The following SLC4A4 variants were observed in gnomAD, a reference collection of about 807,000 sequenced individuals.
SLC4A4 encodes electrogenic sodium bicarbonate cotransporter 1.
In SLC4A4, 27 loss-of-function variants were observed where a neutral mutation model predicts 111.5. The ratio of observed to expected loss-of-function variants is 0.24; its 90% CI spans 0.18 to 0.33. The LOEUF (loss-of-function observed/expected upper bound fraction) is 0.33. Ranked by LOEUF, SLC4A4 falls within the 10% of genes least tolerant of loss-of-function variation. SLC4A4 has a pLI of 1.00. For synonymous variants in SLC4A4, 443 were observed against 463.4 expected (o/e 0.96, Z 0.57); for missense variants, 909 against 1,315.5 (o/e 0.69, Z 4.78).
rs1395863319 is a variant in SLC4A4 at position 71,453,592 on chromosome 4, C to G, written c.1420C>G (p.Leu474Val). 3 of 1,613,950 alleles carry G rather than the reference C, an allele frequency of 1.9e-6. No homozygotes were observed. The highest frequency in any genetic ancestry group is 2.5e-6 in the Non-Finnish European group (3 of 1,179,880). ...AAATATTCAAGCTCTTTCGGCAATT[C>G]TCTTCATTTATCTGGCAACTGTAAC... ...ALNIQALSAILFIYLATVTNA... is the reference protein window; with the variant it reads ...ALNIQALSAIVFIYLATVTNA... The change falls in exon 12 of 26, where the codon CTC (leucine) becomes GTC (valine). Residue 474 changes from leucine to valine, a missense_variant. Physicochemically the swap from Leu to Val is conservative, Grantham distance 32. Transcript: ENST00000264485.
intron 1 of SLC4A4, among the ~76,000 whole-genome samples, chr4:71,200,912 G>T (rs1746220918): frequency 6.6e-6 from 1 of 152,180 alleles, no homozygotes; most frequent in Non-Finnish European, 1.5e-5. Context: ...GCAAGTTTCA[G>T]TTATTTTTAT....
intron 1 of SLC4A4, among the ~76,000 whole-genome samples, chr4:71,234,570 C>G (rs550425247): frequency 6.6e-6 from 1 of 152,132 alleles, no homozygotes; most frequent in African/African-American, 2.4e-5. Flanking sequence ...GGATTACAGG[C>G]GTGTGCCACC....
chr4:71,560,309 A>AT, intron 23 of SLC4A4, 55 bp downstream of exon 23: 1 of 1,545,712 alleles, frequency 6.5e-7, no homozygotes. Context: ...AAATGTGAAA[A>AT]TTGTCCCTTT....
chr4:71,160,094 T>C (rs186508879), intron 2 of SLC4A4, among the ~76,000 whole-genome samples: 10 of 149,552 alleles, frequency 6.7e-5, no homozygotes, highest in Admixed American at 5.3e-4. Flanking sequence ...CCTGATGAAG[T>C]AGAGGCTATT....
At chr4:71,516,852 G>A (rs998971303) in intron 16 of SLC4A4, among the ~76,000 whole-genome samples, 2 of 152,084 alleles carry the variant, frequency 1.3e-5, no homozygotes, top group Non-Finnish European at 2.9e-5. Flanking sequence ...CTTCTTTCTG[G>A]AAAGAGTAGG....
chr4:71,380,258 G>C (rs1351476900), intron 6 of SLC4A4, among the ~76,000 whole-genome samples: 1 of 152,146 alleles, frequency 6.6e-6, no homozygotes, highest in Non-Finnish European at 1.5e-5. Context: ...GGGCAACTAT[G>C]ACTACTCCAG....
chr4:71,128,348 G>A (rs1052808518), intron 2 of SLC4A4, among the ~76,000 whole-genome samples: 2 of 152,042 alleles, frequency 1.3e-5, no homozygotes, highest in Non-Finnish European at 2.9e-5. Context: ...GGAAAGACCC[G>A]CCCCCATGAT....
chr4:71,526,541 G>A (rs1165691523), intron 16 of SLC4A4, among the ~76,000 whole-genome samples: 1 of 152,006 alleles, frequency 6.6e-6, no homozygotes, highest in Non-Finnish European at 1.5e-5. Context: ...GTGCCATCAC[G>A]TATATACATA....
In SLC4A4 at chr4:71,195,839, A is replaced by G. The variant is rs553743562; in HGVS notation, c.-2+8438A>G. On this transcript the variant is annotated intron_variant, in intron 1 of 25. Transcript: ENST00000264485. Reference sequence around the variant, plus strand: ...ACTGAACTCCAAAGGGAATGGGATTAGCTCTTCCATTTCTTGTGCCCTTCA... The same window carrying G: ...ACTGAACTCCAAAGGGAATGGGATTGGCTCTTCCATTTCTTGTGCCCTTCA... 3.5e-4 allele frequency among the ~76,000 whole-genome samples: 53 copies of G among 152,274 alleles called. 1 individual carries two copies. Among genetic ancestry groups the G allele is most frequent in the Non-Finnish European group, 6.8e-4 (46 of 68,056 alleles).
chr4:71,344,204 T>C (rs1280891595), intron 4 of SLC4A4, among the ~76,000 whole-genome samples: 1 of 152,176 alleles, frequency 6.6e-6, no homozygotes, highest in Admixed American at 6.5e-5. Context: ...CAGGTCATGC[T>C]CAACAAAGAC....
At chr4:71,543,796 G>A (rs1044422751) in intron 18 of SLC4A4, among the ~76,000 whole-genome samples, 4 of 151,964 alleles carry the variant, frequency 2.6e-5, no homozygotes, top group African/African-American at 4.8e-5. Flanking sequence ...CAGTGATTTA[G>A]TCTAAAGAGG....
chr4:71,341,037 G>T (rs1185929755), intron 4 of SLC4A4, among the ~76,000 whole-genome samples: 1 of 152,052 alleles, frequency 6.6e-6, no homozygotes, highest in African/African-American at 2.4e-5. Flanking sequence ...GCAGTTGTTG[G>T]TCTCTCATTG....
In SLC4A4 at chr4:71,532,047, T is replaced by A; in HGVS notation, c.2167-15T>A. ...TGGTGCTAAATGGTTCCTGGTTTCT[T>A]TTTTATTTTTCCAGGCAAGAAAACT... is the stretch of plus-strand genomic sequence containing the variant. On this transcript the variant is annotated splice_polypyrimidine_tract_variant and intron_variant, in intron 16 of 25. Coordinates refer to ENST00000264485, the MANE Select transcript of SLC4A4 (RefSeq NM_001098484.3). 6.5e-7 allele frequency: 1 copy of A among 1,537,996 alleles called. No homozygotes were observed. The highest frequency in any genetic ancestry group is 9.0e-7 in the Non-Finnish European group (1 of 1,111,596).
At chr4:71,068,926 C>G (rs955618082) in intron 1 of SLC4A4, among the ~76,000 whole-genome samples, 9 of 152,082 alleles carry the variant, frequency 5.9e-5, no homozygotes, top group African/African-American at 1.9e-4. Flanking sequence ...GTGACTGATA[C>G]AAAGTTTGAG....
At chr4:71,186,201 C>G (rs951951091), upstream of SLC4A4, among the ~76,000 whole-genome samples, 1 of 152,206 alleles carries the variant, frequency 6.6e-6, no homozygotes, top group Non-Finnish European at 1.5e-5. Flanking sequence ...CAAATAATCA[C>G]TTTGCTAAGG....
chr4:71,483,353 T>A (rs563990244), intron 14 of SLC4A4, among the ~76,000 whole-genome samples: 1 of 151,960 alleles, frequency 6.6e-6, no homozygotes, highest in African/African-American at 2.4e-5. Context: ...GGCCCCAGAG[T>A]GTGTTGTTCT....
At chr4:71,073,583 T>A (rs1385934995) in intron 1 of SLC4A4, among the ~76,000 whole-genome samples, 1 of 152,178 alleles carries the variant, frequency 6.6e-6, no homozygotes, top group Non-Finnish European at 1.5e-5. Context: ...GGTTGATTTT[T>A]CTCTGTAGCA....
chr4:71,218,126 A>G (rs1317709015), intron 1 of SLC4A4, among the ~76,000 whole-genome samples: 2 of 152,244 alleles, frequency 1.3e-5, no homozygotes, highest in Non-Finnish European at 2.9e-5. Flanking sequence ...CCAAATCTCC[A>G]GAAGGGAGAT....
chr4:71,535,586 G>C (rs1344933614), intron 18 of SLC4A4, among the ~76,000 whole-genome samples: 1 of 152,114 alleles, frequency 6.6e-6, no homozygotes, highest in Non-Finnish European at 1.5e-5. Flanking sequence ...ATCAAAACTT[G>C]TAAGTTAGAG....
Sources: gnomAD v4.1 joint callset for allele counts (sites outside exome capture counted in the v4.1 genomes callset) on GRCh38, gnomAD v4.1.1 for gene constraint, MANE v1.5 for transcripts, NCBI Gene and HGNC (gene_info 2026-07-23, HGNC 2026-07-21) for gene names.